Variants in MARCHF2 observed in about 807,000 individuals in gnomAD.
The protein encoded by MARCHF2 is membrane associated ring-CH-type finger 2, also known as E3 ubiquitin-protein ligase MARCHF2.
MARCHF2 carries 22 observed loss-of-function variants against 24.0 expected under a neutral mutation model. That is an observed-to-expected ratio of 0.92 (90% confidence interval 0.66 to 1.31). The LOEUF (loss-of-function observed/expected upper bound fraction) is 1.31. Ranked by LOEUF, MARCHF2 falls within the 50% of genes most tolerant of loss-of-function variation. MARCHF2 has a pLI of 0.00. For missense variants in MARCHF2, 301 were observed against 335.3 expected (o/e 0.90, Z 0.80); for synonymous variants, 154 against 153.0 (o/e 1.01, Z -0.05).
intron 1 of MARCHF2, among the ~76,000 whole-genome samples, chr19:8,417,172 G>T (rs1401170903): frequency 2.0e-5 from 3 of 151,974 alleles, no homozygotes; most frequent in Non-Finnish European, 4.4e-5. Context: ...GGCCAGGGGT[G>T]GTGGCTCAAG....
intron 3 of MARCHF2, among the ~76,000 whole-genome samples, chr19:8,428,978 C>G (rs1967499255): frequency 6.6e-6 from 1 of 152,020 alleles, no homozygotes; most frequent in Admixed American, 6.6e-5. Context: ...CCTGGCCCAC[C>G]TAGGAGCCAG....
At chr19:8,413,781 C>T (rs764686117) in intron 1 of MARCHF2, 1 of 152,234 alleles carries the variant, frequency 6.6e-6, no homozygotes, top group African/African-American at 2.4e-5. Context: ...CAGAGCGGCT[C>T]TGCCTGCAAA....
At chr19:8,421,711 T>C (rs1967248302) in intron 1 of MARCHF2, 78 bp from the exon 2 acceptor site, 4 of 759,338 alleles carry the variant, frequency 5.3e-6, no homozygotes, top group Non-Finnish European at 8.3e-6. Flanking sequence ...CCCTACAGCC[T>C]TGACAAGAGG....
chr19:8,425,055 T>TACC (rs1967359661), intron 2 of MARCHF2, among the ~76,000 whole-genome samples: 1 of 151,918 alleles, frequency 6.6e-6, no homozygotes, highest in Non-Finnish European at 1.5e-5. Context: ...CCACAACATG[T>TACC]ACCACCACGC....
At chr19:8,422,805 A>G (rs1034970006) in intron 2 of MARCHF2, among the ~76,000 whole-genome samples, 8 of 145,410 alleles carry the variant, frequency 5.5e-5, no homozygotes, top group African/African-American at 2.1e-4. Flanking sequence ...CCCGGATTCA[A>G]GCGATTCTCC....
chr19:8,428,679 A>AAC (rs1967487285), intron 3 of MARCHF2, among the ~76,000 whole-genome samples: 3 of 128,390 alleles, frequency 2.3e-5, no homozygotes, highest in Non-Finnish European at 4.9e-5. Flanking sequence ...AAAAAAAAAA[A>AAC]AAAACCAAGG....
Position 8,421,937 on chromosome 19 carries a change from C to T in MARCHF2, c.97C>T (p.Pro33Ser). 1.2e-6 allele frequency: 2 copies of T among 1,613,866 alleles called. No individual in the cohort carries two copies. Among genetic ancestry groups the T allele is most frequent in the Non-Finnish European group, 1.7e-6 (2 of 1,179,936 alleles). The change falls in exon 2 of 5, where the codon CCG (proline) becomes TCG (serine). Residue 33 changes from proline (P) to serine (S), a missense_variant. Physicochemically the swap from Pro to Ser is moderately conservative, Grantham distance 74. Coordinates refer to ENST00000215555, the MANE Select transcript of MARCHF2 (RefSeq NM_001005415.2). ...GGTCGTGGAGGCTACGGGCCTCGGA[C>T]CGCCCCAGTATGTGGCACAGGTGAC... Reference protein sequence around the residue: ...SKVVEATGLGPPQYVAQVTSR... With the variant: ...SKVVEATGLGSPQYVAQVTSR...
chr19:8,414,945 C>T (rs1967038303), intron 1 of MARCHF2, among the ~76,000 whole-genome samples: 1 of 152,200 alleles, frequency 6.6e-6, no homozygotes, highest in Admixed American at 6.5e-5. Context: ...ACCCAGGTCT[C>T]TTGAGGTCCA....
In MARCHF2 at chr19:8,416,235, G is replaced by A. The variant is rs373707234; in HGVS notation, c.-53+2815G>A. On this transcript the variant is annotated intron_variant, in intron 1 of 4. Transcript: ENST00000215555. ...TGGGTGCCTGTAATCCCAGCTACTC[G>A]GGAGGCTGACGCAGGAGAATCCCTT... 5.2e-3 allele frequency among the ~76,000 whole-genome samples: 785 copies of A among 151,636 alleles called. 10 individuals carry two copies. The highest frequency in any genetic ancestry group is 0.039 in the South Asian group (185 of 4,792).
Position 8,430,816 on chromosome 19 carries a change from T to A in MARCHF2, c.531T>A (p.Gly177=). 6.2e-7 allele frequency: 1 copy of A among 1,610,830 alleles called. No individual in the cohort carries two copies. ...TCCACAGCCAGCTGGAGGCCGTGGG[T>A]CTCATTGCCCTCACCATCGCCCTCT... The part of the protein sequence containing the change: ...LRLHSQLEAV[G]LIALTIALFT... Residue 177 remains glycine, a synonymous_variant, in exon 4 of 5, where the codon GGT becomes GGA. Transcript: ENST00000215555. The surrounding 1 kb of genome is among the most constrained non-coding windows in gnomAD (Gnocchi z 4.4).
rs1967251946 is a variant in MARCHF2 at position 8,421,826 on chromosome 19, G to C, written c.-15G>C. 1 of 1,597,832 alleles carries C rather than the reference G, an allele frequency of 6.3e-7. No individual in the cohort carries two copies. The highest frequency in any genetic ancestry group is 8.5e-7 in the Non-Finnish European group (1 of 1,171,688). On this transcript the variant is annotated 5_prime_UTR_variant, in exon 2 of 5. Coordinates refer to ENST00000215555, the MANE Select transcript of MARCHF2 (RefSeq NM_001005415.2). Reference sequence around the variant, plus strand: ...ATGGGCCTCAGGCCCTGAGGATACGGGGCTCCCGGTGGCCATGACGACGGG... The same window carrying C: ...ATGGGCCTCAGGCCCTGAGGATACGCGGCTCCCGGTGGCCATGACGACGGG...
chr19:8,420,907 G>A (rs1234880521), intron 1 of MARCHF2, among the ~76,000 whole-genome samples: 2 of 151,842 alleles, frequency 1.3e-5, no homozygotes, highest in African/African-American at 2.4e-5. Context: ...GGAGGCAGGC[G>A]GATTGTCTTG....
chr19:8,418,684 A>C (rs1163905579), intron 1 of MARCHF2: 1 of 152,082 alleles, frequency 6.6e-6, no homozygotes, highest in Admixed American at 6.6e-5. Context: ...TTTCAGCACC[A>C]TGCCTGGCTA....
intron 4 of MARCHF2, among the ~76,000 whole-genome samples, chr19:8,436,168 A>G (rs1967716400): frequency 6.6e-6 from 1 of 150,420 alleles, no homozygotes; most frequent in African/African-American, 2.4e-5. Flanking sequence ...ACAGAGTCTC[A>G]CTGTGTGCCA....
intron 1 of MARCHF2, among the ~76,000 whole-genome samples, chr19:8,414,373 G>A (rs1245155608): frequency 6.6e-6 from 1 of 151,616 alleles, no homozygotes; most frequent in Non-Finnish European, 1.5e-5. Flanking sequence ...AGATTCAAGC[G>A]ATTCCTACCT....
intron 2 of MARCHF2, among the ~76,000 whole-genome samples, chr19:8,425,939 G>T (rs1445072468): frequency 6.6e-6 from 1 of 151,524 alleles, no homozygotes; most frequent in African/African-American, 2.4e-5. Flanking sequence ...AAGAGTCGAG[G>T]ATTGGGGGCC....
intron 1 of MARCHF2, among the ~76,000 whole-genome samples, chr19:8,413,953 C>T (rs1470471522): frequency 2.0e-5 from 3 of 152,126 alleles, no homozygotes; most frequent in South Asian, 2.1e-4. Context: ...GTAGAAATGT[C>T]CCCTGTTATA....
At chr19:8,423,002 C>CCCTTTTTTTTGAG (rs1397085929) in intron 2 of MARCHF2, among the ~76,000 whole-genome samples, 57 of 121,560 alleles carry the variant, frequency 4.7e-4, no homozygotes, top group East Asian at 9.9e-4. Flanking sequence ...CGCGCCTGGC[C>CCCTTTTTTTTGAG]GTGCTCAACA....
At chr19:8,424,524 G>A (rs536181681) in intron 2 of MARCHF2, among the ~76,000 whole-genome samples, 10 of 152,066 alleles carry the variant, frequency 6.6e-5, no homozygotes, top group East Asian at 1.9e-4. Context: ...AAAATTAGCC[G>A]GGCGTGGTGG....
Sources: gnomAD v4.1 joint callset for allele counts (sites outside exome capture counted in the v4.1 genomes callset) on GRCh38, gnomAD v4.1.1 for gene constraint, Gnocchi (gnomAD v3.1) non-coding constraint, MANE v1.5 for transcripts, NCBI Gene and HGNC (gene_info 2026-07-23, HGNC 2026-07-21) for gene names.